Variants in NEDD4 observed in about 807,000 individuals in gnomAD.
The protein encoded by NEDD4 is NEDD4 E3 ubiquitin protein ligase, also known as E3 ubiquitin-protein ligase NEDD4.
A neutral mutation model predicts 144.9 loss-of-function variants in NEDD4; 99 were observed. The ratio of observed to expected loss-of-function variants is 0.68; its 90% CI spans 0.58 to 0.81. The LOEUF is 0.81. Ranked by LOEUF, NEDD4 falls within the 30% of genes least tolerant of loss-of-function variation. The probability of loss-of-function intolerance (pLI) is 0.00; values close to 1 mark genes in which losing one functional copy is unlikely to be tolerated. For synonymous variants in NEDD4, 318 were observed against 350.6 expected, an observed-to-expected ratio of 0.91 and a Z score of 1.04; for missense variants, 985 against 1,065.9, an observed-to-expected ratio of 0.92 and a Z score of 1.06.
intron 2 of NEDD4, among the ~76,000 whole-genome samples, chr15:55,958,397 T>C (rs188222173): frequency 1.4e-4 from 22 of 152,344 alleles, no homozygotes; most frequent in East Asian, 7.7e-4. Context: ...GATATATTGC[T>C]ACATAATGTT....
intron 5 of NEDD4, among the ~76,000 whole-genome samples, chr15:55,874,491 C>T (rs900942678): frequency 2.8e-4 from 42 of 151,876 alleles, no homozygotes; most frequent in African/African-American, 1.0e-3. Context: ...GAGAAACGTC[C>T]CAGAAAAAAA....
At chr15:55,920,162 T>C (rs1032828650) in intron 5 of NEDD4, among the ~76,000 whole-genome samples, 1 of 143,902 alleles carries the variant, frequency 6.9e-6, no homozygotes, top group Non-Finnish European at 1.5e-5. Flanking sequence ...CAGATTGAAG[T>C]CTTCACTATA....
chr15:55,892,487 A>G (rs1297294519), intron 5 of NEDD4, among the ~76,000 whole-genome samples: 1 of 151,956 alleles, frequency 6.6e-6, no homozygotes, highest in Non-Finnish European at 1.5e-5. Flanking sequence ...GAGTAAAAAT[A>G]AATTTTATAC....
chr15:55,835,486 A>C (rs1173727616), intron 24 of NEDD4, among the ~76,000 whole-genome samples: 4 of 148,998 alleles, frequency 2.7e-5, no homozygotes, highest in Non-Finnish European at 5.9e-5. Flanking sequence ...TCAAAACAAC[A>C]GTTAAGATGC....
intron 5 of NEDD4, among the ~76,000 whole-genome samples, chr15:55,885,090 A>C (rs1424989061): frequency 6.6e-6 from 1 of 152,218 alleles, no homozygotes; most frequent in African/African-American, 2.4e-5. Flanking sequence ...ATTCCAGTAC[A>C]TCAGGAAGCA....
At chr15:55,941,057 T>A (rs1209088767) in intron 4 of NEDD4, among the ~76,000 whole-genome samples, 2 of 152,168 alleles carry the variant, frequency 1.3e-5, no homozygotes, top group Non-Finnish European at 2.9e-5. Context: ...CAATATTACC[T>A]TTTAAAAAGT....
chr15:55,921,736 A>G (rs1221728531), intron 5 of NEDD4, among the ~76,000 whole-genome samples: 2 of 152,216 alleles, frequency 1.3e-5, no homozygotes, highest in South Asian at 2.1e-4. Context: ...GTTAATATCA[A>G]AGGCAATACT....
intron 1 of NEDD4, among the ~76,000 whole-genome samples, chr15:55,982,521 A>T (rs1324471137): frequency 6.6e-6 from 1 of 152,228 alleles, no homozygotes; most frequent in African/African-American, 2.4e-5. Flanking sequence ...TTCCATTTAC[A>T]TGAAGTTCTA....
intron 1 of NEDD4, among the ~76,000 whole-genome samples, chr15:55,988,806 A>T (rs1213495918): frequency 6.6e-6 from 1 of 152,198 alleles, no homozygotes; most frequent in Non-Finnish European, 1.5e-5. Context: ...CAAGTGGTTC[A>T]GAAAAAGATT....
chr15:55,977,350 A>T (rs1231419760), intron 1 of NEDD4, among the ~76,000 whole-genome samples: 1 of 152,250 alleles, frequency 6.6e-6, no homozygotes. Flanking sequence ...TAGGAAGAAT[A>T]GGCTATATCA....
rs143789706 is a variant in NEDD4 at position 55,844,625 on chromosome 15, T to C, written c.1608+2344A>G. Among the ~76,000 whole-genome samples the C allele has an allele frequency of 2.6e-5, 4 of 152,170 alleles. No individual in the cohort carries two copies. In the East Asian group the frequency reaches 7.7e-4, roughly 29 times the overall value. On this transcript the variant is annotated intron_variant, in intron 18 of 28. Coordinates refer to ENST00000435532, the MANE Select transcript of NEDD4 (RefSeq NM_006154.4). ...AGGATTAGTTTCCTCATCTATAAAA[T>C]AGGGATAATAATAATGATAGCTACC...
rs551900714 is a variant in NEDD4 at position 55,957,815 on chromosome 15, C to T, written c.120-6226G>A. ...CCATAAAAAAGGATGAGTTCATGTC[C>T]TTTGCAGGGACATGGGTGAAGCTGG... On this transcript the variant is annotated intron_variant, in intron 2 of 28. Transcript: ENST00000435532. Among the ~76,000 whole-genome samples, 3 of 152,174 alleles carry T rather than the reference C, an allele frequency of 2.0e-5. No homozygotes were observed. In the South Asian group the frequency reaches 6.2e-4, roughly 31 times the overall value.
At chr15:55,989,624 C>T (rs1341733948) in intron 1 of NEDD4, among the ~76,000 whole-genome samples, 1 of 152,218 alleles carries the variant, frequency 6.6e-6, no homozygotes, top group East Asian at 1.9e-4. Flanking sequence ...ACTCTCCATA[C>T]CGATAGCGGA....
intron 24 of NEDD4, among the ~76,000 whole-genome samples, chr15:55,834,524 G>A (rs1051127936): frequency 4.8e-5 from 6 of 125,866 alleles, no homozygotes; most frequent in Non-Finnish European, 7.2e-5. Flanking sequence ...CAGACGCAGT[G>A]GCTCATTCTG....
intron 5 of NEDD4, among the ~76,000 whole-genome samples, chr15:55,897,194 C>T (rs148294090): frequency 0.027 from 4,180 of 152,130 alleles, 70 homozygotes; most frequent in Non-Finnish European, 0.042. Context: ...AGGATGGTCT[C>T]GATCTCCTGA....
intron 4 of NEDD4, among the ~76,000 whole-genome samples, chr15:55,948,669 T>A (rs1229994551): frequency 6.6e-5 from 10 of 152,192 alleles, no homozygotes; most frequent in South Asian, 2.1e-4. Context: ...AACCATCTGA[T>A]CTTTGACAAA....
rs776591678 is a variant in NEDD4, at chr15:55,873,969, A to T, written c.331T>A (p.Tyr111Asn). ...DFLGQVDVPL[Y>N]PLPTENPRLE... The stretch of plus-strand genomic sequence containing the variant: ...ACACCTATACCAACCGGTAATGGAT[A>T]AAGTGGAACATCCACTTGACCTAGG... The change falls in exon 6 of 29, where the codon TAT (tyrosine) becomes AAT (asparagine). Residue 111 changes from tyrosine (Y) to asparagine (N), a missense_variant. By Grantham distance (143) the Tyr-to-Asn change is moderately radical (BLOSUM62 -2). Coordinates refer to ENST00000435532, the MANE Select transcript of NEDD4 (RefSeq NM_006154.4). The T allele has an allele frequency of 4.5e-6, 7 of 1,546,726 alleles. No individual in the cohort carries two copies. In the South Asian group the frequency reaches 8.6e-5, roughly 19 times the overall value.
intron 5 of NEDD4, among the ~76,000 whole-genome samples, chr15:55,878,248 T>C (rs915800817): frequency 2.6e-5 from 4 of 152,006 alleles, no homozygotes; most frequent in Admixed American, 2.6e-4. Flanking sequence ...TTACCACAAA[T>C]AAAAAGAAAC....
At position 55,852,462 on chromosome 15, in the gene NEDD4, T is replaced by A. The variant is rs773928074; in HGVS notation, c.1108A>T (p.Asn370Tyr). ...ERGRSYYVDH[N>Y]SRTTTWTKPT... is the part of the protein sequence containing the mutation. The stretch of plus-strand genomic sequence containing the variant: ...TTTGTCCAAGTAGTCGTTCTGGAAT[T>A]GTGATCTACATAATATGATCTTCCT... The change falls in exon 13 of 29, where the codon AAT (asparagine) becomes TAT (tyrosine). Residue 370 changes from asparagine (N) to tyrosine (Y), a missense_variant. Physicochemically the swap from Asn to Tyr is moderately radical, Grantham distance 143. Coordinates refer to ENST00000435532, the MANE Select transcript of NEDD4 (RefSeq NM_006154.4). The A allele has an allele frequency of 3.1e-6, 5 of 1,612,872 alleles. No individual in the cohort carries two copies. The Admixed American group carries it at 8.3e-5, about 27-fold the overall frequency.
Sources: allele counts gnomAD v4.1 joint callset (sites outside exome capture counted in the v4.1 genomes callset), GRCh38; gene constraint gnomAD v4.1.1; transcripts MANE v1.5; gene names NCBI Gene and HGNC (gene_info 2026-07-23, HGNC 2026-07-21).